MALT1: variants seen among roughly 807,000 people sequenced by gnomAD.
The protein encoded by MALT1 is mucosa-associated lymphoid tissue lymphoma translocation protein 1.
A neutral mutation model predicts 85.5 loss-of-function variants in MALT1; 36 were observed. The ratio of observed to expected loss-of-function variants is 0.42; its 90% CI spans 0.32 to 0.56. MALT1 has a LOEUF of 0.56. Among genes scored for constraint, MALT1 ranks in the 20% least tolerant of loss-of-function variants. The probability of loss-of-function intolerance (pLI) is 0.10; values close to 1 mark genes in which losing one functional copy is unlikely to be tolerated. For missense variants in MALT1, 716 were observed against 981.6 expected, an observed-to-expected ratio of 0.73 and a Z score of 3.62; for synonymous variants, 359 against 361.3, an observed-to-expected ratio of 0.99 and a Z score of 0.07.
chr18:58,681,703 CAA>C (rs1344397780), intron 2 of MALT1, among the ~76,000 whole-genome samples: 2 of 151,250 alleles, frequency 1.3e-5, no homozygotes, highest in Admixed American at 6.6e-5. Flanking sequence ...ATAGTGCAGC[CAA>C]AAAAATGAAC....
chr18:58,683,032 T>A (rs2144315105), intron 2 of MALT1, among the ~76,000 whole-genome samples: 1 of 152,342 alleles, frequency 6.6e-6, no homozygotes, highest in East Asian at 1.9e-4. Flanking sequence ...CTTTCTTTTT[T>A]AAACCTGGCC....
At chr18:58,700,404 G>T in intron 3 of MALT1, 37 bp from the exon 4 acceptor site, 1 of 1,513,800 alleles carries the variant, frequency 6.6e-7, no homozygotes, top group Non-Finnish European at 8.9e-7. Flanking sequence ...GTGTGTTTTT[G>T]ATGAGTCATC....
Position 58,735,229 on chromosome 18 carries a change from C to T in MALT1, c.1503C>T (p.Ile501=). ...ATCQGAEAFE[I]QHSGLANGIF... is the part of the protein sequence containing the mutation. ...GTCAAGGAGCAGAAGCTTTTGAAAT[C>T]CAGCATTCTGGATTGGCAAATGGAA... The change falls in exon 13 of 17, where the codon ATC becomes ATT. Residue 501 remains isoleucine, a synonymous_variant. Coordinates refer to ENST00000649217, the MANE Select transcript of MALT1 (RefSeq NM_006785.4). 6.2e-7 allele frequency: 1 copy of T among 1,607,022 alleles called. No individual in the cohort carries two copies. Among genetic ancestry groups the T allele is most frequent in the Non-Finnish European group, 8.5e-7 (1 of 1,178,746 alleles).
chr18:58,746,580 T>C (rs1410620012), intron 16 of MALT1, among the ~76,000 whole-genome samples: 1 of 152,222 alleles, frequency 6.6e-6, no homozygotes, highest in East Asian at 1.9e-4. Flanking sequence ...GTTGTCATCC[T>C]GTTCGGAGCT....
intron 1 of MALT1, among the ~76,000 whole-genome samples, chr18:58,673,409 A>ATGC (rs767297686): frequency 1.3e-5 from 2 of 152,122 alleles, no homozygotes; most frequent in African/African-American, 2.4e-5. Context: ...AAATGTTTAC[A>ATGC]TGCTGCTGCT....
Position 58,709,411 on chromosome 18 carries a change from A to C in MALT1, c.683A>C (p.Gln228Pro), listed in dbSNP as rs1263313200. The change falls in exon 5 of 17, where the codon CAA (glutamine) becomes CCA (proline). Residue 228 changes from glutamine to proline, a missense_variant. Gln to Pro is a moderately conservative substitution (Grantham distance 76). Transcript: ENST00000649217. ...SVDGVSESKL[Q>P]ICVEPTSQKL... is the part of the protein sequence containing the mutation. Reference sequence around the variant, plus strand: ...GATGGCGTCTCTGAATCCAAGTTGCAAATCTGTGTTGAACCAACTTCCCAA... The same window carrying C: ...GATGGCGTCTCTGAATCCAAGTTGCCAATCTGTGTTGAACCAACTTCCCAA... 1 of 1,602,390 alleles carries C rather than the reference A, an allele frequency of 6.2e-7. No individual in the cohort carries two copies. The highest frequency in any genetic ancestry group is 8.5e-7 in the Non-Finnish European group (1 of 1,174,928).
chr18:58,726,136 G>A (rs2055051729), intron 10 of MALT1, among the ~76,000 whole-genome samples: 1 of 152,182 alleles, frequency 6.6e-6, no homozygotes, highest in African/African-American at 2.4e-5. Context: ...TGACAAGACT[G>A]CAGTTTAGGC....
chr18:58,734,647 A>G (rs1256664823), intron 12 of MALT1: 4 of 352,800 alleles, frequency 1.1e-5, no homozygotes. Flanking sequence ...ACATGTAGGC[A>G]TAAATTTACC....
intron 4 of MALT1, 81 bp from the exon 5 acceptor site, chr18:58,709,297 A>T: frequency 1.2e-6 from 1 of 856,558 alleles, no homozygotes; most frequent in Non-Finnish European, 1.7e-6. Flanking sequence ...ATGAAGGGGG[A>T]ACTTGACACA....
intron 10 of MALT1, among the ~76,000 whole-genome samples, chr18:58,731,589 C>G (rs2055150386): frequency 6.6e-6 from 1 of 152,246 alleles, no homozygotes; most frequent in Admixed American, 6.5e-5. Context: ...CTACCTCGCT[C>G]TCTCTCTGCC....
chr18:58,681,776 T>G (rs2054326205), intron 2 of MALT1, among the ~76,000 whole-genome samples: 4 of 151,558 alleles, frequency 2.6e-5, no homozygotes, highest in African/African-American at 9.7e-5. Flanking sequence ...AATGTTTAAG[T>G]TTTTTTTTGC....
At chr18:58,726,595 A>G (rs968112291) in intron 10 of MALT1, among the ~76,000 whole-genome samples, 3 of 152,232 alleles carry the variant, frequency 2.0e-5, no homozygotes, top group Non-Finnish European at 4.4e-5. Flanking sequence ...AGAACAGACA[A>G]TAATTCAGTT....
chr18:58,725,405 T>C (rs1191085948), intron 10 of MALT1, among the ~76,000 whole-genome samples: 2 of 152,164 alleles, frequency 1.3e-5, no homozygotes, highest in South Asian at 2.1e-4. Flanking sequence ...TCATTATGTA[T>C]ACGTAAATAT....
intron 2 of MALT1, among the ~76,000 whole-genome samples, chr18:58,686,831 A>T (rs767300383): frequency 1.8e-4 from 28 of 152,154 alleles, no homozygotes; most frequent in Non-Finnish European, 3.7e-4. Flanking sequence ...TATCTTCACA[A>T]TTCTGTGAAG....
chr18:58,694,917 A>G (rs1469183604), intron 2 of MALT1, among the ~76,000 whole-genome samples: 1 of 152,058 alleles, frequency 6.6e-6, no homozygotes, highest in Admixed American at 6.6e-5. Flanking sequence ...TTCTGTAGAG[A>G]TATGGTTTGG....
intron 2 of MALT1, among the ~76,000 whole-genome samples, chr18:58,684,439 CTTTTTTT>C (rs548214354): frequency 1.4e-3 from 101 of 73,568 alleles, no homozygotes; most frequent in Non-Finnish European, 2.1e-3. Context: ...AAGATTTACT[CTTTTTTT>C]TTTTTTTTTT....
rs764092385 is a variant in MALT1, at chr18:58,723,190, T to A, written c.1161T>A (p.Thr387=). Residue 387 remains threonine, a synonymous_variant, in exon 10 of 17, where the codon ACT becomes ACA. Transcript: ENST00000649217. ...AAGTGGTTTCACTGTTGGATCTTAC[T>A]GAATATGAGATGCGTAATGCTGTGG... ...DFKVVSLLDL[T]EYEMRNAVDE... is the part of the protein sequence containing the mutation. The A allele has an allele frequency of 6.2e-7, 1 of 1,613,990 alleles. No homozygotes were observed. Among genetic ancestry groups the A allele is most frequent in the African/African-American group, 1.3e-5 (1 of 74,952 alleles).
Position 58,723,054 on chromosome 18 carries a change from A to G in MALT1, c.1025A>G (p.Asp342Gly). ...EQTTDQPLAK[D>G]KVALLIGNMN... Reference sequence around the variant, plus strand: ...CTTTCTTTTTTTTTCAAAGCGAAGGACAAGGTTGCCCTTTTGATAGGAAAT... The same window carrying G: ...CTTTCTTTTTTTTTCAAAGCGAAGGGCAAGGTTGCCCTTTTGATAGGAAAT... The change falls in exon 10 of 17, where the codon GAC (aspartate) becomes GGC (glycine). Residue 342 changes from aspartate to glycine, a missense_variant. Around this residue, in one of 4 missense-constraint regions of MALT1, gnomAD observed 290 missense variants for 380.5 expected, o/e 0.76. Transcript: ENST00000649217. 8 of 1,613,186 alleles carry G rather than the reference A, an allele frequency of 5.0e-6. No individual in the cohort carries two copies. Among genetic ancestry groups the G allele is most frequent in the Non-Finnish European group, 6.8e-6 (8 of 1,179,378 alleles).
At position 58,749,028 on chromosome 18, in the gene MALT1, T is replaced by C. The variant is rs981860697; in HGVS notation, c.*1186T>C. 4.7e-6 allele frequency: 1 copy of C among 211,488 alleles called. No individual in the cohort carries two copies. Among genetic ancestry groups the C allele is most frequent in the Non-Finnish European group, 9.6e-6 (1 of 104,266 alleles). The allele number at this position is 211,488 out of a possible 1,614,324, so 13.1% of individuals were successfully genotyped here. ...ATCATTAACAAAAATATTAGCAAAC[T>C]GAATCCAGCAACCTATAAAAAGGAT... On this transcript the variant is annotated 3_prime_UTR_variant, in exon 17 of 17. Transcript: ENST00000649217.
Sources: allele counts gnomAD v4.1 joint callset (sites outside exome capture counted in the v4.1 genomes callset), GRCh38; gene constraint gnomAD v4.1.1; regional missense constraint gnomAD v4.1.1; transcripts MANE v1.5; gene names NCBI Gene and HGNC (gene_info 2026-07-23, HGNC 2026-07-21).